ITGB1: variants seen among roughly 807,000 people sequenced by gnomAD.
The protein encoded by ITGB1 is integrin subunit beta 1, also known as integrin beta-1.
Under a neutral mutation model 86.5 loss-of-function variants are expected in ITGB1, and 24 were observed. The ratio of observed to expected loss-of-function variants is 0.28; its 90% CI spans 0.20 to 0.39. The LOEUF is 0.39. ITGB1 is among the 10% of genes least tolerant of loss of function. ITGB1 has a pLI of 1.00. For missense variants in ITGB1, 556 were observed against 946.9 expected (o/e 0.59, Z 5.42); for synonymous variants, 323 against 316.8 (o/e 1.02, Z -0.21).
intron 11 of ITGB1, among the ~76,000 whole-genome samples, chr10:32,918,308 C>T (rs1000926235): frequency 5.3e-5 from 8 of 151,856 alleles, no homozygotes; most frequent in Middle Eastern, 3.4e-3. Flanking sequence ...CAAACCTGCA[C>T]GTTTTGCACA....
In ITGB1 at chr10:32,944,375, G is replaced by A. The variant is rs553219650; in HGVS notation, c.1-8817C>T. 109 of 232,532 alleles carry A rather than the reference G, an allele frequency of 4.7e-4. 1 individual carries two copies. Among genetic ancestry groups the A allele is most frequent in the African/African-American group, 2.2e-3 (95 of 42,868 alleles). 14.4% of individuals were successfully genotyped at this position (232,532 alleles called of 1,614,324 possible). A position where few individuals can be genotyped will look rare whatever the true frequency, so the allele number is the denominator to read the frequency against. ...TGGGCCAAAGCCCTTGTTCGGGTGC[G>A]GCGTGGGCCTTGGTCTGTAAAGGGG... On this transcript the variant is annotated intron_variant, in intron 1 of 15. Coordinates refer to ENST00000302278, the MANE Select transcript of ITGB1 (RefSeq NM_002211.4).
chr10:32,945,293 C>T (rs1389412778), intron 1 of ITGB1, among the ~76,000 whole-genome samples: 1 of 152,074 alleles, frequency 6.6e-6, no homozygotes, highest in Non-Finnish European at 1.5e-5. Context: ...AGTAATCTAA[C>T]TTTTTGTTCA....
In ITGB1 at chr10:32,908,513, A is replaced by T; in HGVS notation, c.2186T>A (p.Ile729Asn). 6.2e-7 allele frequency: 1 copy of T among 1,613,846 alleles called. No homozygotes were observed. The highest frequency in any genetic ancestry group is 8.5e-7 in the Non-Finnish European group (1 of 1,179,828). The part of the protein sequence containing the change: ...ENPECPTGPD[I>N]IPIVAGVVAG... ...AACCACACCAGCTACAATTGGAATG[A>T]TGTCTGGACCAGTGGGACACTCTGG... Residue 729 changes from isoleucine (I) to asparagine (N), a missense_variant, in exon 15 of 16, where the codon ATC (isoleucine) becomes AAC (asparagine). Ile to Asn is a moderately radical substitution (Grantham distance 149). Transcript: ENST00000302278.
chr10:32,928,689 C>T lies in ITGB1; in HGVS notation c.377-425G>A, dbSNP rs927520283. On this transcript the variant is annotated intron_variant, in intron 4 of 15. Coordinates refer to ENST00000302278, the MANE Select transcript of ITGB1 (RefSeq NM_002211.4). ...CTCCCTGCAAGTGAATAACATGATC[C>T]GATCTTTACTTTAGAAAGCCTGGCA... Among the ~76,000 whole-genome samples, 33 of 151,846 alleles carry T rather than the reference C, an allele frequency of 2.2e-4. 2 individuals carry two copies. Among genetic ancestry groups the T allele is most frequent in the African/African-American group, 1.9e-4 (8 of 41,360 alleles).
chr10:32,935,604 G>T, intron 1 of ITGB1, 46 bp from the exon 2 acceptor site: 1 of 1,336,222 alleles, frequency 7.5e-7, no homozygotes, highest in South Asian at 1.2e-5. Context: ...GAAATAAAAT[G>T]AAAAATGCAT....
rs2094907757 is a variant in ITGB1, at chr10:32,909,927, T to C, written c.2164+296A>G. The stretch of plus-strand genomic sequence containing the variant: ...TCATCAATCATCAAAAAACTCTTAA[T>C]ATGCACTTGGTGTCAGGCATCGTTC... On this transcript the variant is annotated intron_variant, in intron 14 of 15. Transcript: ENST00000302278. Among the ~76,000 whole-genome samples, 3 of 152,206 alleles carry C rather than the reference T, an allele frequency of 2.0e-5. No homozygotes were observed. In the South Asian group the frequency reaches 6.2e-4, roughly 31 times the overall value.
chr10:32,924,643 C>T (rs1041356820), intron 6 of ITGB1, among the ~76,000 whole-genome samples: 1 of 152,148 alleles, frequency 6.6e-6, no homozygotes, highest in African/African-American at 2.4e-5. Context: ...TAGTTAGAGG[C>T]AGCCCAGAGA....
rs1433437694 is a variant in ITGB1, at chr10:32,900,516, C to T, written c.*1054G>A. 2 of 149,760 alleles carry T rather than the reference C, an allele frequency of 1.3e-5. No individual in the cohort carries two copies. The highest frequency in any genetic ancestry group is 1.3e-4 in the Admixed American group (2 of 14,868). The allele number at this position is 149,760 out of a possible 1,614,324, so 9.3% of individuals were successfully genotyped here. A position where few individuals can be genotyped will look rare whatever the true frequency, so the allele number is the denominator to read the frequency against. ...GACTAGTGTGAAACAAGATGGGCAA[C>T]TCAAATGGTGAGAAGTAAACATACA... On this transcript the variant is annotated 3_prime_UTR_variant, in exon 16 of 16. Transcript: ENST00000302278.
chr10:32,916,954 A>G (rs903619633), intron 11 of ITGB1, among the ~76,000 whole-genome samples: 1 of 152,236 alleles, frequency 6.6e-6, no homozygotes, highest in African/African-American at 2.4e-5. Flanking sequence ...CTACAAGGCT[A>G]CAGTAACCAA....
At position 32,936,545 on chromosome 10, in the gene ITGB1, G is replaced by C. The variant is rs150897307; in HGVS notation, c.1-987C>G. Among the ~76,000 whole-genome samples, 782 of 151,460 alleles carry C rather than the reference G, an allele frequency of 5.2e-3. 5 individuals are homozygous for C. Among genetic ancestry groups the C allele is most frequent in the Non-Finnish European group, 8.9e-3 (605 of 67,908 alleles). The stretch of plus-strand genomic sequence containing the variant: ...ACCTCTCCCCCAACAAAAAAAAAGA[G>C]GGCATAAGACAAACTGAAAAAGTCT... On this transcript the variant is annotated intron_variant, in intron 1 of 15. Coordinates refer to ENST00000302278, the MANE Select transcript of ITGB1 (RefSeq NM_002211.4).
At chr10:32,902,598 A>T (rs1307196909) in intron 15 of ITGB1, among the ~76,000 whole-genome samples, 3 of 152,148 alleles carry the variant, frequency 2.0e-5, no homozygotes, top group African/African-American at 7.2e-5. Context: ...TACCAGGGAA[A>T]TTTTTTTTAA....
chr10:32,923,179 T>G (rs552265531), intron 7 of ITGB1, among the ~76,000 whole-genome samples: 2 of 152,304 alleles, frequency 1.3e-5, no homozygotes, highest in South Asian at 4.1e-4. Context: ...TTCTAGAACT[T>G]GAATGCTTTG....
intron 15 of ITGB1, chr10:32,907,180 G>GAA: frequency 8.3e-6 from 7 of 846,328 alleles, no homozygotes; most frequent in Admixed American, 2.5e-5. Context: ...GATTTCATCA[G>GAA]AAAAAAAAAA....
chr10:32,928,252 G>A lies in ITGB1; in HGVS notation c.389C>T (p.Thr130Ile), dbSNP rs766277472. ...AGCTCTCTTGAATTTTAATGTAAAT[G>A]TCTGTGGCTCCCCTAATTAGACAAG... Reference protein sequence around the residue: ...VLRLRSGEPQTFTLKFKRAED... With the variant: ...VLRLRSGEPQIFTLKFKRAED... The change falls in exon 5 of 16, where the codon ACA becomes ATA. Residue 130 changes from threonine to isoleucine, a missense_variant. Thr to Ile is a moderately conservative substitution (Grantham distance 89). Transcript: ENST00000302278. The A allele has an allele frequency of 3.4e-6, 3 of 875,376 alleles. 1 individual carries two copies. In the South Asian group the frequency reaches 4.1e-5, roughly 12 times the overall value. 54.2% of individuals were successfully genotyped at this position (875,376 alleles called of 1,614,324 possible). A position where few individuals can be genotyped will look rare whatever the true frequency, so the allele number is the denominator to read the frequency against.
rs2095056994 is a variant in ITGB1, at chr10:32,958,185, G to A, written c.-41C>T. ...TCCGGGGCCCGGCGCGGTGGGCTCG[G>A]GCCTGCTGTTCCGCGACTCCCGCTG... On this transcript the variant is annotated 5_prime_UTR_variant, in exon 1 of 16. Transcript: ENST00000302278. The A allele has an allele frequency of 6.6e-6, 1 of 151,432 alleles. No individual in the cohort carries two copies. Among genetic ancestry groups the A allele is most frequent in the South Asian group, 2.1e-4 (1 of 4,826 alleles). The allele number at this position is 151,432 out of a possible 1,614,324, so 9.4% of individuals were successfully genotyped here. A position where few individuals can be genotyped will look rare whatever the true frequency, so the allele number is the denominator to read the frequency against.
intron 1 of ITGB1, among the ~76,000 whole-genome samples, chr10:32,953,193 G>A (rs779619894): frequency 1.1e-4 from 16 of 152,208 alleles, no homozygotes; most frequent in Non-Finnish European, 2.4e-4. Flanking sequence ...AACCACACAA[G>A]CCAATGCTGA....
At chr10:32,921,228 G>T (rs1202695392) in intron 9 of ITGB1, among the ~76,000 whole-genome samples, 2 of 150,670 alleles carry the variant, frequency 1.3e-5, no homozygotes, top group Admixed American at 1.3e-4. Context: ...TTTAACATAT[G>T]AGACTATTCA....
intron 2 of ITGB1, chr10:32,933,431 A>C (rs376291356): frequency 2.2e-4 from 34 of 152,294 alleles, no homozygotes; most frequent in African/African-American, 7.5e-4. Flanking sequence ...ATAATCCCAG[A>C]ATTTCTCAGG....
At chr10:32,935,197 G>A (rs2137239198) in intron 2 of ITGB1, among the ~76,000 whole-genome samples, 1 of 152,138 alleles carries the variant, frequency 6.6e-6, no homozygotes, top group African/African-American at 2.4e-5. Flanking sequence ...ACTTGCTTTT[G>A]CCTTCTGTTC....
Sources: allele counts gnomAD v4.1 joint callset (sites outside exome capture counted in the v4.1 genomes callset), GRCh38; gene constraint gnomAD v4.1.1; transcripts MANE v1.5; gene names NCBI Gene and HGNC (gene_info 2026-07-23, HGNC 2026-07-21).